UBE2D3: variants seen among roughly 807,000 people sequenced by gnomAD.
UBE2D3 encodes ubiquitin conjugating enzyme E2 D3, also known as ubiquitin-conjugating enzyme E2 D3.
A neutral mutation model predicts 22.8 loss-of-function variants in UBE2D3; 2 were observed. The observed-to-expected ratio is 0.09, with a 90% CI of 0.04 to 0.28. UBE2D3 has a LOEUF of 0.28. UBE2D3 is among the 10% of genes least tolerant of loss of function. UBE2D3 has a pLI of 1.00. For synonymous variants in UBE2D3, 56 were observed against 60.4 expected (o/e 0.93, Z 0.34); for missense variants, 27 against 182.5 (o/e 0.15, Z 4.91).
chr4:102,868,072 C>CTTTTTTTTTT (rs11418599), intron 1 of UBE2D3, among the ~76,000 whole-genome samples: 20 of 115,250 alleles, frequency 1.7e-4, no homozygotes, highest in African/African-American at 2.9e-4. Flanking sequence ...GCTTTAGATT[C>CTTTTTTTTTT]TTTTTTTTTT....
intron 1 of UBE2D3, among the ~76,000 whole-genome samples, chr4:102,859,597 A>C (rs1482376061): frequency 6.6e-6 from 1 of 151,848 alleles, no homozygotes; most frequent in Non-Finnish European, 1.5e-5. Context: ...TTCTGCTATT[A>C]TTTCTTTAAA....
intron 2 of UBE2D3, chr4:102,811,744 G>T (rs1728073813): frequency 4.6e-6 from 2 of 439,162 alleles, no homozygotes; most frequent in Non-Finnish European, 9.0e-6. Flanking sequence ...GAAAGCAAAA[G>T]AAAGGATGCC....
chr4:102,865,034 C>T (rs1733080670), intron 1 of UBE2D3, among the ~76,000 whole-genome samples: 1 of 152,068 alleles, frequency 6.6e-6, no homozygotes, highest in Non-Finnish European at 1.5e-5. Flanking sequence ...TTGAGTAAAG[C>T]CCTAATATGA....
upstream of UBE2D3, among the ~76,000 whole-genome samples, chr4:102,830,093 C>G (rs1731040439): frequency 2.0e-5 from 3 of 152,154 alleles, no homozygotes; most frequent in Admixed American, 2.0e-4. Context: ...AGTGGACTTA[C>G]ATTTCTGCTT....
At chr4:102,862,605 G>C (rs761523998) in intron 1 of UBE2D3, among the ~76,000 whole-genome samples, 4 of 152,146 alleles carry the variant, frequency 2.6e-5, no homozygotes. Flanking sequence ...AAGAGAATGC[G>C]TAGATTGTGT....
chr4:102,800,010 T>C (rs1425328521), intron 6 of UBE2D3, among the ~76,000 whole-genome samples: 1 of 151,880 alleles, frequency 6.6e-6, no homozygotes, highest in Non-Finnish European at 1.5e-5. Context: ...TTCCCAAGAG[T>C]ACTAGTTAAA....
chr4:102,868,587 T>C, intron 1 of UBE2D3: 1 of 1,172,346 alleles, frequency 8.5e-7, no homozygotes, highest in Non-Finnish European at 1.3e-6. Context: ...GGAGTAAAAT[T>C]AGGCACTGGG....
At chr4:102,828,286 G>C (rs538283575), upstream of UBE2D3, 6 of 984,916 alleles carry the variant, frequency 6.1e-6, no homozygotes, top group Admixed American at 2.5e-4. Flanking sequence ...AGTCTAGCTC[G>C]GGCCGGGATT....
intron 2 of UBE2D3, chr4:102,810,138 A>G: frequency 3.1e-6 from 1 of 322,864 alleles, no homozygotes; most frequent in Non-Finnish European, 5.7e-6. Flanking sequence ...ATAATTAGAT[A>G]TTCTCATAGT....
intron 2 of UBE2D3, among the ~76,000 whole-genome samples, chr4:102,822,915 A>G (rs1341301723): frequency 6.6e-6 from 1 of 152,196 alleles, no homozygotes; most frequent in Non-Finnish European, 1.5e-5. Flanking sequence ...CAGCCTGGGT[A>G]ACACAGTGAG....
At chr4:102,830,066 A>G (rs911412126), upstream of UBE2D3, among the ~76,000 whole-genome samples, 42 of 152,370 alleles carry the variant, frequency 2.8e-4, no homozygotes, top group African/African-American at 9.9e-4. Context: ...TTCTGTTTAC[A>G]AGTTTGTATT....
intron 2 of UBE2D3, among the ~76,000 whole-genome samples, chr4:102,817,533 G>A (rs1181172595): frequency 6.6e-6 from 1 of 152,066 alleles, no homozygotes. Flanking sequence ...TTAAAAATTT[G>A]GACTAGGGGT....
In UBE2D3 at chr4:102,814,144, G is replaced by A. The variant is rs1728453802; in HGVS notation, c.25-4289C>T. ...TTGATTCTGATCAGTGGGAATTACA[G>A]AAATTCATATCGCAGTTCAACAATC... is the stretch of plus-strand genomic sequence containing the variant. On this transcript the variant is annotated intron_variant, in intron 2 of 7. Transcript: ENST00000453744. 2.0e-5 allele frequency among the ~76,000 whole-genome samples: 3 copies of A among 152,028 alleles called. No homozygotes were observed. The South Asian group carries it at 6.2e-4, about 32-fold the overall frequency.
intron 2 of UBE2D3, among the ~76,000 whole-genome samples, chr4:102,822,332 A>G (rs1476955760): frequency 6.6e-6 from 1 of 152,172 alleles, no homozygotes; most frequent in East Asian, 1.9e-4. Context: ...AGCTTTGAGG[A>G]CCATATATGA....
chr4:102,813,707 T>C (rs1728389241), intron 2 of UBE2D3, among the ~76,000 whole-genome samples: 1 of 152,156 alleles, frequency 6.6e-6, no homozygotes, highest in South Asian at 2.1e-4. Flanking sequence ...CTGGACTAAT[T>C]TAACGCTAAG....
chr4:102,862,364 C>T (rs1308144200), intron 1 of UBE2D3, among the ~76,000 whole-genome samples: 1 of 151,940 alleles, frequency 6.6e-6, no homozygotes, highest in East Asian at 1.9e-4. Flanking sequence ...ATTAGTTTCT[C>T]ATATGATAAT....
At chr4:102,849,823 G>T (rs921454281) in intron 1 of UBE2D3, among the ~76,000 whole-genome samples, 1 of 152,198 alleles carries the variant, frequency 6.6e-6, no homozygotes, top group Non-Finnish European at 1.5e-5. Context: ...TCACACTGTT[G>T]TGGAGCAGTG....
chr4:102,851,262 A>G (rs2110367557), intron 1 of UBE2D3, among the ~76,000 whole-genome samples: 1 of 152,348 alleles, frequency 6.6e-6, no homozygotes, highest in Middle Eastern at 3.4e-3. Flanking sequence ...CTTTGACCAC[A>G]GAATGCAAAT....
Position 102,816,352 on chromosome 4 carries a change from G to GAC in UBE2D3, c.25-6499_25-6498dup, listed in dbSNP as rs1482006352. On this transcript the variant is annotated intron_variant, in intron 2 of 7. Transcript: ENST00000453744. ...TATAAGAATGTGACCCATAGCTGTTGACAGGCACGTGTCATGGACTTACAT... is the reference window on the plus strand; with the variant it reads ...TATAAGAATGTGACCCATAGCTGTTGACACAGGCACGTGTCATGGACTTACAT... 3.3e-5 allele frequency among the ~76,000 whole-genome samples: 5 copies of GAC among 152,140 alleles called. No homozygotes were observed. The East Asian group carries it at 9.6e-4, about 29-fold the overall frequency.
Sources: gnomAD v4.1 joint callset for allele counts (sites outside exome capture counted in the v4.1 genomes callset) on GRCh38, gnomAD v4.1.1 for gene constraint, MANE v1.5 for transcripts, NCBI Gene and HGNC (gene_info 2026-07-23, HGNC 2026-07-21) for gene names.